CDC14B: variants seen among roughly 807,000 people sequenced by gnomAD.
CDC14B encodes the protein cell division cycle 14B.
Under a neutral mutation model 64.2 loss-of-function variants are expected in CDC14B, and 22 were observed. The ratio of observed to expected loss-of-function variants is 0.34; its 90% CI spans 0.24 to 0.49. CDC14B has a LOEUF of 0.49. Among genes scored for constraint, CDC14B ranks in the 20% least tolerant of loss-of-function variants. The pLI is 0.99. For missense variants in CDC14B, 498 were observed against 629.9 expected (o/e 0.79, Z 2.24); for synonymous variants, 191 against 215.8 (o/e 0.89, Z 1.01).
chr9:96,527,875 A>G (rs1837830657), intron 9 of CDC14B, among the ~76,000 whole-genome samples: 1 of 152,084 alleles, frequency 6.6e-6, no homozygotes, highest in Admixed American at 6.5e-5. Context: ...TCAGCCTCCC[A>G]AAGTGCTGGG....
At position 96,503,150 on chromosome 9, in the gene CDC14B, G is replaced by A. The variant is rs1429175681; in HGVS notation, c.*603C>T. On this transcript the variant is annotated 3_prime_UTR_variant, in exon 14 of 14. Transcript: ENST00000375241. ...ACCTGGTCTTACAACATGCAACAGT[G>A]TTTAAATGTGATTTTCACAGATTCT... The A allele has an allele frequency of 2.9e-6, 1 of 346,066 alleles. No homozygotes were observed. Among genetic ancestry groups the A allele is most frequent in the Non-Finnish European group, 5.2e-6 (1 of 193,730 alleles). 21.4% of individuals were successfully genotyped at this position (346,066 alleles called of 1,614,324 possible).
intron 13 of CDC14B, among the ~76,000 whole-genome samples, chr9:96,495,022 G>A (rs561703440): frequency 3.3e-5 from 5 of 151,796 alleles, no homozygotes; most frequent in African/African-American, 1.2e-4. Context: ...TTTTAGTAGA[G>A]ACGGGGTTTC....
chr9:96,503,693 A>G lies in CDC14B; in HGVS notation c.*60T>C. ...TTTTGTTTTGTTTTCAAATTGTGCT[A>G]ATTTCTGTTGCAGTTTTCAGTCCTA... is the stretch of plus-strand genomic sequence containing the variant. On this transcript the variant is annotated 3_prime_UTR_variant, in exon 14 of 14. Transcript: ENST00000375241. The G allele has an allele frequency of 4.8e-6, 7 of 1,452,216 alleles. No homozygotes were observed. The highest frequency in any genetic ancestry group is 5.7e-6 in the Non-Finnish European group (6 of 1,045,064). The allele number at this position is 1,452,216 out of a possible 1,614,324, so 90.0% of individuals were successfully genotyped here.
chr9:96,618,718 C>T (rs969508695), intron 1 of CDC14B: 2 of 417,768 alleles, frequency 4.8e-6, no homozygotes, highest in Non-Finnish European at 9.3e-6. Flanking sequence ...GCCCAGGGTC[C>T]CAAGGCTACG....
intron 13 of CDC14B, among the ~76,000 whole-genome samples, chr9:96,493,602 G>A (rs778262270): frequency 6.6e-6 from 1 of 152,202 alleles, no homozygotes; most frequent in East Asian, 1.9e-4. Flanking sequence ...GGCTGAGGTG[G>A]GAGGATTGCT....
downstream of CDC14B, among the ~76,000 whole-genome samples, chr9:96,498,440 G>A (rs1349751532): frequency 2.0e-5 from 3 of 152,184 alleles, no homozygotes; most frequent in Admixed American, 6.5e-5. Flanking sequence ...CTGAGGGGCC[G>A]CGGGAAGGGT....
chr9:96,619,286 G>T lies in CDC14B; in HGVS notation c.93C>A (p.Ile31=). The T allele has an allele frequency of 7.4e-7, 1 of 1,350,822 alleles. No individual in the cohort carries two copies. The allele number at this position is 1,350,822 out of a possible 1,614,324, so 83.7% of individuals were successfully genotyped here. The change falls in exon 1 of 14, where the codon ATC becomes ATA. Residue 31 remains isoleucine, a synonymous_variant. Coordinates refer to ENST00000375241, the MANE Select transcript of CDC14B (RefSeq NM_033331.4). ...CSSTSPGVKK[I]RSSTQQDPRR... The stretch of plus-strand genomic sequence containing the variant: ...GCGGGTCTTGCTGCGTGGAGCTGCG[G>T]ATCTTCTTCACACCCGGCGAGGTCG...
At chr9:96,604,346 TTATTATTA>T (rs1564388678) in intron 1 of CDC14B, among the ~76,000 whole-genome samples, 1,367 of 51,274 alleles carry the variant, frequency 0.027, 19 homozygotes, top group African/African-American at 0.066. Flanking sequence ...CTTGCATTTA[TTATTATTA>T]TTATTATTAT....
At chr9:96,616,550 A>T (rs10117417) in intron 1 of CDC14B, among the ~76,000 whole-genome samples, 1 of 150,604 alleles carries the variant, frequency 6.6e-6, no homozygotes, top group African/African-American at 2.4e-5. Context: ...ATGGTGAAAC[A>T]CTGTCTCTAC....
intron 1 of CDC14B, among the ~76,000 whole-genome samples, chr9:96,573,329 C>G (rs942993260): frequency 6.6e-6 from 1 of 151,884 alleles, no homozygotes; most frequent in African/African-American, 2.4e-5. Context: ...AAAAAAAATA[C>G]AGATGAGAAT....
chr9:96,545,521 T>A (rs994911039), intron 5 of CDC14B, among the ~76,000 whole-genome samples: 1 of 152,066 alleles, frequency 6.6e-6, no homozygotes, highest in African/African-American at 2.4e-5. Context: ...AGTTTCACTG[T>A]GTTAGCCAGG....
At chr9:96,546,668 T>C (rs1236990708) in intron 5 of CDC14B, among the ~76,000 whole-genome samples, 2 of 152,088 alleles carry the variant, frequency 1.3e-5, no homozygotes, top group Non-Finnish European at 2.9e-5. Flanking sequence ...CAGGCTCATC[T>C]TGAACTCCTG....
intron 12 of CDC14B, among the ~76,000 whole-genome samples, chr9:96,517,618 T>G (rs1436680236): frequency 1.8e-5 from 2 of 111,502 alleles, no homozygotes; most frequent in South Asian, 2.9e-4. Context: ...CACTCCAGCC[T>G]GGGCGACAGA....
chr9:96,510,317 A>G (rs980491468), intron 12 of CDC14B, among the ~76,000 whole-genome samples: 2 of 152,210 alleles, frequency 1.3e-5, no homozygotes, highest in South Asian at 4.1e-4. Flanking sequence ...TTTTGCCTGA[A>G]TTATATATAA....
downstream of CDC14B, among the ~76,000 whole-genome samples, chr9:96,495,987 G>A (rs16910962): frequency 8.2e-4 from 125 of 152,302 alleles, no homozygotes; most frequent in African/African-American, 3.0e-3. Context: ...AACTTTTCTG[G>A]GGAGATGGAG....
intron 1 of CDC14B, among the ~76,000 whole-genome samples, chr9:96,605,568 C>T (rs573827078): frequency 3.7e-4 from 57 of 152,344 alleles, no homozygotes; most frequent in African/African-American, 1.3e-3. Context: ...CACTTCCCCA[C>T]TCCCCTGTGA....
intron 1 of CDC14B, among the ~76,000 whole-genome samples, chr9:96,617,855 A>G (rs1056176586): frequency 3.3e-5 from 5 of 152,192 alleles, no homozygotes; most frequent in African/African-American, 1.2e-4. Flanking sequence ...AGGTATAAAC[A>G]ATAACGGGCA....
chr9:96,618,464 C>A, intron 1 of CDC14B: 1 of 533,002 alleles, frequency 1.9e-6, no homozygotes, highest in South Asian at 1.4e-5. Flanking sequence ...TCAGCACTAA[C>A]AGAACAGCTA....
intron 7 of CDC14B, 137 bp downstream of exon 7, chr9:96,538,941 C>A: frequency 1.6e-6 from 1 of 631,040 alleles, no homozygotes. Flanking sequence ...ATTAGGTAAT[C>A]ATTTCATGGT....
Sources: gnomAD v4.1 joint callset for allele counts (sites outside exome capture counted in the v4.1 genomes callset) on GRCh38, gnomAD v4.1.1 for gene constraint, MANE v1.5 for transcripts, NCBI Gene and HGNC (gene_info 2026-07-23, HGNC 2026-07-21) for gene names.